YIPF7: variants seen among roughly 807,000 people sequenced by gnomAD.
YIPF7 encodes the protein protein YIPF7.
YIPF7 carries 35 observed loss-of-function variants against 27.2 expected under a neutral mutation model. That is an observed-to-expected ratio of 1.29 (90% CI 0.98 to 1.70). The LOEUF is 1.70. Ranked by LOEUF, YIPF7 falls within the 40% of genes most tolerant of loss-of-function variation. YIPF7 has a pLI of 0.00. For missense variants in YIPF7, 358 were observed against 303.7 expected (o/e 1.18, Z -1.33); for synonymous variants, 137 against 110.4 (o/e 1.24, Z -1.51).
chr4:44,632,034 C>T (rs921080232), intron 3 of YIPF7, among the ~76,000 whole-genome samples: 2 of 152,110 alleles, frequency 1.3e-5, no homozygotes, highest in Non-Finnish European at 2.9e-5. Context: ...AATGGCATAA[C>T]TAACTCCTGC....
In YIPF7 at chr4:44,648,099, C is replaced by A. The variant is rs527981968; in HGVS notation, c.116+1886G>T. Among the ~76,000 whole-genome samples the A allele has an allele frequency of 9.2e-5, 14 of 152,190 alleles. 2 individuals carry two copies. In the South Asian group the frequency reaches 2.5e-3, roughly 27 times the overall value. ...AAACAACCTTGAGCTAAAATCCTAA[C>A]CCCATTTCTTACTAGATGTGTAACC... On this transcript the variant is annotated intron_variant, in intron 2 of 5. Coordinates refer to ENST00000415895, the MANE Select transcript of YIPF7 (RefSeq NM_182592.3).
chr4:44,642,201 C>T (rs987132758), intron 2 of YIPF7, among the ~76,000 whole-genome samples: 44 of 152,216 alleles, frequency 2.9e-4, no homozygotes, highest in South Asian at 4.1e-4. Context: ...CAGGTAGTAA[C>T]TTTGACCATC....
At chr4:44,624,553 TG>T in intron 5 of YIPF7, 47 bp downstream of exon 5, 1 of 1,482,226 alleles carries the variant, frequency 6.7e-7, no homozygotes, top group Non-Finnish European at 9.0e-7. Context: ...TGGCAAACCT[TG>T]GCTATGATTG....
intron 3 of YIPF7, among the ~76,000 whole-genome samples, chr4:44,632,386 A>G (rs1712938103): frequency 6.6e-6 from 1 of 152,226 alleles, no homozygotes; most frequent in East Asian, 1.9e-4. Context: ...GGCCTTTCAT[A>G]TGGAAGTCTC....
chr4:44,629,806 C>T (rs1021663730), intron 3 of YIPF7, among the ~76,000 whole-genome samples: 1 of 152,090 alleles, frequency 6.6e-6, no homozygotes, highest in African/African-American at 2.4e-5. Flanking sequence ...ATTAGAGAAA[C>T]ATTTCCATCA....
At chr4:44,637,521 CTTG>C (rs1320864888) in intron 2 of YIPF7, among the ~76,000 whole-genome samples, 1 of 152,146 alleles carries the variant, frequency 6.6e-6, no homozygotes, top group Non-Finnish European at 1.5e-5. Context: ...GTTTCATATA[CTTG>C]TTGGCCATTC....
chr4:44,659,332 G>A (rs202043863), intron 2 of YIPF7, among the ~76,000 whole-genome samples: 1 of 151,498 alleles, frequency 6.6e-6, no homozygotes, highest in Non-Finnish European at 1.5e-5. Flanking sequence ...AAACATAAGA[G>A]CAAAGACATA....
intron 2 of YIPF7, among the ~76,000 whole-genome samples, chr4:44,642,914 T>C (rs937994374): frequency 1.3e-5 from 2 of 152,188 alleles, no homozygotes; most frequent in Non-Finnish European, 2.9e-5. Context: ...TTATCCAGTC[T>C]CAGGTATTCC....
upstream of YIPF7, among the ~76,000 whole-genome samples, chr4:44,654,083 A>G (rs1713819323): frequency 6.6e-6 from 1 of 152,126 alleles, no homozygotes; most frequent in Non-Finnish European, 1.5e-5. Flanking sequence ...CATTGAAGAC[A>G]AAATGACTTC....
At chr4:44,638,704 C>A (rs1168997127) in intron 2 of YIPF7, among the ~76,000 whole-genome samples, 1 of 152,076 alleles carries the variant, frequency 6.6e-6, no homozygotes, top group East Asian at 1.9e-4. Context: ...AATTAAATCC[C>A]ATTTGTCTAT....
upstream of YIPF7, among the ~76,000 whole-genome samples, chr4:44,653,630 G>C (rs1159728555): frequency 6.6e-6 from 1 of 152,144 alleles, no homozygotes; most frequent in Non-Finnish European, 1.5e-5. Flanking sequence ...ATAGGATTCA[G>C]TTTCTATTGA....
At chr4:44,648,274 C>T (rs1713597415) in intron 2 of YIPF7, among the ~76,000 whole-genome samples, 1 of 152,084 alleles carries the variant, frequency 6.6e-6, no homozygotes, top group Non-Finnish European at 1.5e-5. Context: ...TTACAGAACA[C>T]ATACTGGTTG....
At chr4:44,653,410 G>A (rs1035761088), upstream of YIPF7, among the ~76,000 whole-genome samples, 2 of 152,130 alleles carry the variant, frequency 1.3e-5, no homozygotes, top group African/African-American at 4.8e-5. Flanking sequence ...TGAGATGTGA[G>A]TGGCCTGAAC....
intron 2 of YIPF7, among the ~76,000 whole-genome samples, chr4:44,657,298 G>A (rs1016660759): frequency 1.3e-5 from 2 of 152,264 alleles, no homozygotes; most frequent in East Asian, 1.9e-4. Flanking sequence ...CAAACATCGC[G>A]TTTATATGGG....
At chr4:44,638,672 C>A (rs1393774774) in intron 2 of YIPF7, among the ~76,000 whole-genome samples, 1 of 152,210 alleles carries the variant, frequency 6.6e-6, no homozygotes, top group East Asian at 1.9e-4. Flanking sequence ...TTGATTATTT[C>A]TTTTGCTGTG....
At chr4:44,647,982 A>G (rs548821776) in intron 2 of YIPF7, among the ~76,000 whole-genome samples, 171 of 152,296 alleles carry the variant, frequency 1.1e-3, no homozygotes, top group Admixed American at 3.2e-3. Context: ...TATTCTTATT[A>G]TCCCAACATT....
chr4:44,655,117 A>G (rs568692516), upstream of YIPF7, among the ~76,000 whole-genome samples: 137 of 152,144 alleles, frequency 9.0e-4, no homozygotes, highest in African/African-American at 3.2e-3. Context: ...TATATTGGCA[A>G]CAATTTGCCA....
intron 4 of YIPF7, chr4:44,629,144 T>C: frequency 3.3e-6 from 1 of 305,972 alleles, no homozygotes; most frequent in East Asian, 5.6e-5. Context: ...CAGTCTTTTC[T>C]TAATAACAAA....
Position 44,624,665 on chromosome 4 carries a change from C to A in YIPF7, c.544G>T (p.Val182Leu). 2 of 1,605,650 alleles carry A rather than the reference C, an allele frequency of 1.2e-6. No individual in the cohort carries two copies. Among genetic ancestry groups the A allele is most frequent in the South Asian group, 2.2e-5 (2 of 88,926 alleles). Residue 182 changes from valine (V) to leucine (L), a missense_variant, in exon 5 of 6, where the codon GTG becomes TTG. Transcript: ENST00000415895. ...SGVSYGCVAS[V>L]LGYCLLPMVI... is the part of the protein sequence containing the mutation. The stretch of plus-strand genomic sequence containing the variant: ...ATGGGGAGCAGGCAGTAACCCAGCA[C>A]GCTGGCCACACAGCCGTACGACACC...
Sources: gnomAD v4.1 joint callset for allele counts (sites outside exome capture counted in the v4.1 genomes callset) on GRCh38, gnomAD v4.1.1 for gene constraint, MANE v1.5 for transcripts, NCBI Gene and HGNC (gene_info 2026-07-23, HGNC 2026-07-21) for gene names.